Variants in SLCO3A1 observed in about 807,000 individuals in gnomAD.
SLCO3A1 encodes solute carrier organic anion transporter family member 3A1.
Under a neutral mutation model 63.1 loss-of-function variants are expected in SLCO3A1, and 27 were observed. The observed-to-expected ratio is 0.43, with a 90% CI of 0.32 to 0.59. The LOEUF (loss-of-function observed/expected upper bound fraction) is 0.59, where lower values mean the gene tolerates loss of function less well. Ranked by LOEUF, SLCO3A1 falls within the 20% of genes least tolerant of loss-of-function variation. SLCO3A1 has a pLI of 0.09. For missense variants in SLCO3A1, 773 were observed against 945.8 expected (o/e 0.82, Z 2.40); for synonymous variants, 473 against 409.9 (o/e 1.15, Z -1.86).
chr15:91,867,603 C>T (rs911827983), intron 1 of SLCO3A1, among the ~76,000 whole-genome samples: 1 of 151,942 alleles, frequency 6.6e-6, no homozygotes, highest in Non-Finnish European at 1.5e-5. Flanking sequence ...ACTGTGTTCA[C>T]ACACAGGAAA....
intron 2 of SLCO3A1, among the ~76,000 whole-genome samples, chr15:91,965,852 C>G (rs904676715): frequency 6.6e-6 from 1 of 151,846 alleles, no homozygotes; most frequent in Admixed American, 6.6e-5. Context: ...AGGAGTAAGC[C>G]CTTAGTCGAT....
rs151047392 is a variant in SLCO3A1 at position 92,037,641 on chromosome 15, A to G, written c.647-57240A>G. On this transcript the variant is annotated intron_variant, in intron 2 of 9. Coordinates refer to ENST00000318445, the MANE Select transcript of SLCO3A1 (RefSeq NM_013272.4). ...CACCAGGTTTGCATTACTAAAAAGCATGCTTTCACTTTATCGTCATTCATT... is the reference window on the plus strand; with the variant it reads ...CACCAGGTTTGCATTACTAAAAAGCGTGCTTTCACTTTATCGTCATTCATT... Among the ~76,000 whole-genome samples the G allele has an allele frequency of 6.0e-4, 91 of 152,360 alleles. 1 individual carries two copies. In the East Asian group the frequency reaches 0.015, roughly 26 times the overall value.
At chr15:92,150,186 A>T (rs2048286245) in intron 8 of SLCO3A1, among the ~76,000 whole-genome samples, 1 of 152,162 alleles carries the variant, frequency 6.6e-6, no homozygotes, top group Non-Finnish European at 1.5e-5. Flanking sequence ...GCAAGGGAGA[A>T]AGATGTAGGT....
intron 2 of SLCO3A1, among the ~76,000 whole-genome samples, chr15:91,991,237 T>C (rs1224366466): frequency 6.6e-6 from 1 of 151,986 alleles, no homozygotes; most frequent in Non-Finnish European, 1.5e-5. Context: ...CAGGGTGGTG[T>C]GCACCTATGG....
Position 91,865,009 on chromosome 15 carries a change from G to A in SLCO3A1, c.180+10921G>A, listed in dbSNP as rs1897132447. On this transcript the variant is annotated intron_variant, in intron 1 of 9. Coordinates refer to ENST00000318445, the MANE Select transcript of SLCO3A1 (RefSeq NM_013272.4). The surrounding 1 kb of genome is among the most constrained non-coding windows in gnomAD (Gnocchi z 4.6). ...CTCCTGAGTGGGACTGTCACGGCAG[G>A]CATTTGCCATGGGCAGTGTCCTTTC... Among the ~76,000 whole-genome samples the A allele has an allele frequency of 6.6e-6, 1 of 152,192 alleles. No individual in the cohort carries two copies. The highest frequency in any genetic ancestry group is 2.4e-5 in the African/African-American group (1 of 41,424).
chr15:92,080,934 G>A (rs1306473408), intron 2 of SLCO3A1, among the ~76,000 whole-genome samples: 2 of 138,244 alleles, frequency 1.4e-5, no homozygotes, highest in African/African-American at 5.7e-5. Flanking sequence ...TGGATACATA[G>A]TAGCTGTGTG....
chr15:92,142,519 C>A (rs1273732686), intron 7 of SLCO3A1, among the ~76,000 whole-genome samples: 4 of 152,172 alleles, frequency 2.6e-5, no homozygotes, highest in Admixed American at 2.0e-4. Flanking sequence ...GACCTAATCA[C>A]CTCCTGAAGA....
At position 92,126,124 on chromosome 15, in the gene SLCO3A1, T is replaced by A; in HGVS notation, c.1238T>A (p.Leu413His). 2 of 1,613,994 alleles carry A rather than the reference T, an allele frequency of 1.2e-6. No individual in the cohort carries two copies. The highest frequency in any genetic ancestry group is 4.5e-5 in the East Asian group (2 of 44,828). The change falls in exon 6 of 10, where the codon CTC becomes CAC. Residue 413 changes from leucine to histidine, a missense_variant. Leu to His is a moderately conservative substitution (Grantham distance 99, BLOSUM62 -3). Coordinates refer to ENST00000318445, the MANE Select transcript of SLCO3A1 (RefSeq NM_013272.4). ...CTGGGAGGTCTTTTGGTGAAGAAGCTCAGCCTGTCTGCCCTGGGGGCCATT... is the reference window on the plus strand; with the variant it reads ...CTGGGAGGTCTTTTGGTGAAGAAGCACAGCCTGTCTGCCCTGGGGGCCATT... ...IFLGGLLVKK[L>H]SLSALGAIRM...
intron 1 of SLCO3A1, among the ~76,000 whole-genome samples, chr15:91,892,342 G>T (rs1451599013): frequency 1.3e-5 from 2 of 152,240 alleles, no homozygotes; most frequent in South Asian, 2.1e-4. Flanking sequence ...GGAGAAAAGC[G>T]CTAACAAACA....
At chr15:91,877,807 C>A (rs942434230) in intron 1 of SLCO3A1, among the ~76,000 whole-genome samples, 2 of 152,064 alleles carry the variant, frequency 1.3e-5, no homozygotes, top group African/African-American at 2.4e-5. Context: ...GCTAGTAGCT[C>A]AATGAACCTA....
chr15:92,066,586 C>T (rs996617080), intron 2 of SLCO3A1, among the ~76,000 whole-genome samples: 2 of 152,192 alleles, frequency 1.3e-5, no homozygotes, highest in Non-Finnish European at 2.9e-5. Context: ...TCTATTTACT[C>T]TGTTTGTGTG....
At chr15:91,864,973 G>T (rs1442658283) in intron 1 of SLCO3A1, among the ~76,000 whole-genome samples, 2 of 152,208 alleles carry the variant, frequency 1.3e-5, no homozygotes, top group Non-Finnish European at 2.9e-5. Context: ...TGGGAGTCAA[G>T]ACCTAGGCCA....
At chr15:92,170,663 A>C (rs542878944), downstream of SLCO3A1, among the ~76,000 whole-genome samples, 1 of 152,320 alleles carries the variant, frequency 6.6e-6, no homozygotes, top group Admixed American at 6.5e-5. Context: ...GCAGGAGTCT[A>C]TTGTTTCATA....
At chr15:92,152,868 C>G (rs1233417514) in intron 9 of SLCO3A1, among the ~76,000 whole-genome samples, 1 of 152,192 alleles carries the variant, frequency 6.6e-6, no homozygotes, top group Non-Finnish European at 1.5e-5. Flanking sequence ...AAGAGCCCAC[C>G]CTCCTCATCT....
chr15:92,109,866 C>T (rs1408148404), intron 4 of SLCO3A1, among the ~76,000 whole-genome samples: 3 of 152,034 alleles, frequency 2.0e-5, no homozygotes, highest in Admixed American at 6.5e-5. Flanking sequence ...GGCTGGCAGG[C>T]GGTTGGGGAG....
At chr15:91,931,788 AACAC>A (rs112525299) in intron 2 of SLCO3A1, among the ~76,000 whole-genome samples, 7 of 144,130 alleles carry the variant, frequency 4.9e-5, no homozygotes, top group African/African-American at 1.8e-4. Flanking sequence ...TAAGTGTGGA[AACAC>A]ACACACACGC....
At chr15:91,889,630 G>C (rs1352339562) in intron 1 of SLCO3A1, among the ~76,000 whole-genome samples, 1 of 152,212 alleles carries the variant, frequency 6.6e-6, no homozygotes, top group East Asian at 1.9e-4. Context: ...ACTGTAGGGT[G>C]GATCTGGTCT....
At chr15:91,858,827 C>G (rs1024282390) in intron 1 of SLCO3A1, among the ~76,000 whole-genome samples, 4 of 152,210 alleles carry the variant, frequency 2.6e-5, no homozygotes, top group African/African-American at 4.8e-5. Flanking sequence ...CTTTGAGGTG[C>G]TGCCTTGATC....
rs765704113 is a variant in SLCO3A1, at chr15:92,143,508, C to G, written c.1513-3476C>G. On this transcript the variant is annotated intron_variant, in intron 7 of 9. Transcript: ENST00000318445. ...TTATATATATGTATATAAAATCCCACTTGTGAGCCAAGCCCTGTCCTGGAT... is the reference window on the plus strand; with the variant it reads ...TTATATATATGTATATAAAATCCCAGTTGTGAGCCAAGCCCTGTCCTGGAT... 1.0e-3 allele frequency among the ~76,000 whole-genome samples: 89 copies of G among 88,042 alleles called. 1 individual carries two copies. The highest frequency in any genetic ancestry group is 1.6e-3 in the Non-Finnish European group (79 of 48,684). 57.8% of individuals were successfully genotyped at this position (88,042 alleles called of 152,430 possible).
Sources: gnomAD v4.1 joint callset for allele counts (sites outside exome capture counted in the v4.1 genomes callset) on GRCh38, gnomAD v4.1.1 for gene constraint, Gnocchi (gnomAD v3.1) non-coding constraint, MANE v1.5 for transcripts, NCBI Gene and HGNC (gene_info 2026-07-23, HGNC 2026-07-21) for gene names.